The following VAV3 variants were observed in gnomAD, a reference collection of about 807,000 sequenced individuals.
VAV3 encodes vav guanine nucleotide exchange factor 3, also known as guanine nucleotide exchange factor VAV3.
VAV3 carries 94 observed loss-of-function variants against 131.2 expected under a neutral mutation model. The ratio of observed to expected loss-of-function variants is 0.72; its 90% CI spans 0.61 to 0.85. The LOEUF (loss-of-function observed/expected upper bound fraction) is 0.85, where lower values mean the gene tolerates loss of function less well. Ranked by LOEUF, VAV3 falls within the 40% of genes least tolerant of loss-of-function variation. The probability of loss-of-function intolerance (pLI) is 0.00; values close to 1 mark genes in which losing one functional copy is unlikely to be tolerated. For missense variants in VAV3, 939 were observed against 1,002.7 expected, an observed-to-expected ratio of 0.94 and a Z score of 0.86; for synonymous variants, 349 against 342.0, an observed-to-expected ratio of 1.02 and a Z score of -0.22.
intron 1 of VAV3, among the ~76,000 whole-genome samples, chr1:107,880,083 G>C (rs1670693636): frequency 6.6e-6 from 1 of 152,206 alleles, no homozygotes; most frequent in South Asian, 2.1e-4. Flanking sequence ...GCTTATTATA[G>C]TGAGACAGAA....
chr1:107,878,553 C>T (rs1192347378), intron 1 of VAV3, among the ~76,000 whole-genome samples: 1 of 152,156 alleles, frequency 6.6e-6, no homozygotes, highest in Middle Eastern at 3.2e-3. Flanking sequence ...TATCATTAAA[C>T]CTATTATTCT....
chr1:107,814,392 G>A lies in VAV3; in HGVS notation c.322-34900C>T, dbSNP rs552129653. Among the ~76,000 whole-genome samples the A allele has an allele frequency of 2.6e-4, 39 of 152,146 alleles. No homozygotes were observed. The East Asian group carries it at 2.9e-3, about 11-fold the overall frequency. The stretch of plus-strand genomic sequence containing the variant: ...ATTGTGGTTTTGATTTGCATTTCCC[G>A]ATGATTAGTGATGTTGAGTATTTTT... On this transcript the variant is annotated intron_variant, in intron 2 of 26. Coordinates refer to ENST00000370056, the MANE Select transcript of VAV3 (RefSeq NM_006113.5).
chr1:107,622,502 T>C (rs775446162), intron 20 of VAV3, among the ~76,000 whole-genome samples: 3 of 152,198 alleles, frequency 2.0e-5, no homozygotes, highest in Non-Finnish European at 4.4e-5. Context: ...AAAAATACAG[T>C]GTCTCTTCCC....
chr1:107,718,268 T>A (rs1661245807), intron 15 of VAV3, among the ~76,000 whole-genome samples: 1 of 152,134 alleles, frequency 6.6e-6, no homozygotes, highest in Non-Finnish European at 1.5e-5. Flanking sequence ...AATCAGTTTG[T>A]CCCTGTTCAC....
chr1:107,871,106 G>A (rs902314048), intron 2 of VAV3, among the ~76,000 whole-genome samples: 5 of 152,008 alleles, frequency 3.3e-5, no homozygotes, highest in South Asian at 2.1e-4. Flanking sequence ...CATACAGTAC[G>A]GAAACGAACA....
intron 1 of VAV3, among the ~76,000 whole-genome samples, chr1:107,955,217 T>C (rs1289218388): frequency 6.6e-6 from 1 of 152,174 alleles, no homozygotes; most frequent in Non-Finnish European, 1.5e-5. Flanking sequence ...TTAGTCACTT[T>C]CTGAGAGTCA....
intron 1 of VAV3, among the ~76,000 whole-genome samples, chr1:107,935,452 A>G (rs764073609): frequency 2.6e-5 from 4 of 152,184 alleles, no homozygotes; most frequent in Non-Finnish European, 4.4e-5. Flanking sequence ...TCTCTCCTAC[A>G]GTGTTACGAG....
intron 2 of VAV3, among the ~76,000 whole-genome samples, chr1:107,832,691 T>C (rs1668306687): frequency 1.3e-5 from 2 of 152,238 alleles, no homozygotes; most frequent in Admixed American, 1.3e-4. Context: ...CCCTTGTGTC[T>C]ACCTTGCAAT....
At chr1:107,672,665 C>A (rs1237308812) in intron 19 of VAV3, among the ~76,000 whole-genome samples, 1 of 151,992 alleles carries the variant, frequency 6.6e-6, no homozygotes, top group Non-Finnish European at 1.5e-5. Flanking sequence ...CACATATATT[C>A]TTACAAGTAA....
At chr1:107,958,668 T>G (rs1433299687) in intron 1 of VAV3, among the ~76,000 whole-genome samples, 1 of 152,190 alleles carries the variant, frequency 6.6e-6, no homozygotes, top group Non-Finnish European at 1.5e-5. Flanking sequence ...GGGATACATG[T>G]GAAGCAAGTG....
rs564721892 is a variant in VAV3 at position 107,612,990 on chromosome 1, G to A, written c.1981-3025C>T. Among the ~76,000 whole-genome samples, 8 of 152,244 alleles carry A rather than the reference G, an allele frequency of 5.3e-5. No individual in the cohort carries two copies. In the East Asian group the frequency reaches 9.7e-4, roughly 18 times the overall value. On this transcript the variant is annotated intron_variant, in intron 21 of 26. Coordinates refer to ENST00000370056, the MANE Select transcript of VAV3 (RefSeq NM_006113.5). The stretch of plus-strand genomic sequence containing the variant: ...CCAAGTGTCAATCTTCTCCTGGGCA[G>A]TGCCTTCAGATAGTTTTGTTTTGAT...
Position 107,572,929 on chromosome 1 carries a change from T to A in VAV3, c.*402A>T, listed in dbSNP as rs1411806851. On this transcript the variant is annotated 3_prime_UTR_variant, in exon 27 of 27. Transcript: ENST00000370056. Reference sequence around the variant, plus strand: ...ATTACACTTCTGCTTCTTTGTACCATCAAATAATCTGGTGAATGGCATGTG... The same window carrying A: ...ATTACACTTCTGCTTCTTTGTACCAACAAATAATCTGGTGAATGGCATGTG... 1 of 176,296 alleles carries A rather than the reference T, an allele frequency of 5.7e-6. No homozygotes were observed. The highest frequency in any genetic ancestry group is 1.2e-5 in the Non-Finnish European group (1 of 84,434). The allele number at this position is 176,296 out of a possible 1,614,324, so 10.9% of individuals were successfully genotyped here. A position where few individuals can be genotyped will look rare whatever the true frequency, so the allele number is the denominator to read the frequency against.
Position 107,714,022 on chromosome 1 carries a change from G to A in VAV3, c.1503-8961C>T, listed in dbSNP as rs776424590. Among the ~76,000 whole-genome samples, 6 of 151,922 alleles carry A rather than the reference G, an allele frequency of 3.9e-5. No individual in the cohort carries two copies. The South Asian group carries it at 8.3e-4, about 21-fold the overall frequency. On this transcript the variant is annotated intron_variant, in intron 15 of 26. Coordinates refer to ENST00000370056, the MANE Select transcript of VAV3 (RefSeq NM_006113.5). ...GGCCTTATAATTTAGGAGAAATTTC[G>A]AAAACAAAAAGCTATTATCTTAATA...
chr1:107,941,294 C>T (rs1040055610), intron 1 of VAV3, among the ~76,000 whole-genome samples: 4 of 152,142 alleles, frequency 2.6e-5, no homozygotes, highest in African/African-American at 7.2e-5. Flanking sequence ...GTGGTCTCTG[C>T]GTAGTAGAGT....
chr1:107,571,885 T>C lies in VAV3; in HGVS notation c.*1446A>G, dbSNP rs563299706. On this transcript the variant is annotated 3_prime_UTR_variant, in exon 27 of 27. Coordinates refer to ENST00000370056, the MANE Select transcript of VAV3 (RefSeq NM_006113.5). Reference sequence around the variant, plus strand: ...GAGTTCTGGCACCCAGACGGATTGATGAGAGGGCAGGCTACACCTGCTTCA... The same window carrying C: ...GAGTTCTGGCACCCAGACGGATTGACGAGAGGGCAGGCTACACCTGCTTCA... The C allele has an allele frequency of 2.6e-5, 4 of 152,782 alleles. No homozygotes were observed. The highest frequency in any genetic ancestry group is 9.6e-5 in the African/African-American group (4 of 41,586). The allele number at this position is 152,782 out of a possible 1,614,324, so 9.5% of individuals were successfully genotyped here.
intron 15 of VAV3, among the ~76,000 whole-genome samples, chr1:107,716,367 C>T (rs185599418): frequency 6.6e-6 from 1 of 152,292 alleles, no homozygotes; most frequent in East Asian, 1.9e-4. Flanking sequence ...GTGGCTCACG[C>T]CTGTAATCCC....
chr1:107,938,524 A>C (rs1379580413), intron 1 of VAV3, among the ~76,000 whole-genome samples: 3 of 152,206 alleles, frequency 2.0e-5, no homozygotes, highest in African/African-American at 7.2e-5. Context: ...AAGAGGAAGC[A>C]GGCATGGAGG....
chr1:107,676,857 C>T (rs545634774), intron 19 of VAV3, among the ~76,000 whole-genome samples: 4 of 152,218 alleles, frequency 2.6e-5, no homozygotes, highest in South Asian at 2.1e-4. Context: ...ATAACCTATA[C>T]GACACACTTT....
intron 1 of VAV3, among the ~76,000 whole-genome samples, chr1:107,895,122 G>T (rs1257996191): frequency 2.0e-5 from 3 of 147,684 alleles, no homozygotes; most frequent in Non-Finnish European, 3.0e-5. Context: ...GGACGAAGAG[G>T]AAAAAAAAAA....
Sources: allele counts gnomAD v4.1 joint callset (sites outside exome capture counted in the v4.1 genomes callset), GRCh38; gene constraint gnomAD v4.1.1; transcripts MANE v1.5; gene names NCBI Gene and HGNC (gene_info 2026-07-23, HGNC 2026-07-21).